The following KIRREL3 variants were observed in gnomAD, a reference collection of about 807,000 sequenced individuals.
The protein encoded by KIRREL3 is kirre like nephrin family adhesion molecule 3.
Under a neutral mutation model 89.7 loss-of-function variants are expected in KIRREL3, and 36 were observed. That is an observed-to-expected ratio of 0.40 (90% confidence interval 0.31 to 0.53). The LOEUF (loss-of-function observed/expected upper bound fraction) is 0.53, where lower values mean the gene tolerates loss of function less well. Ranked by LOEUF, KIRREL3 falls within the 20% of genes least tolerant of loss-of-function variation. KIRREL3 has a pLI of 0.49. For missense variants in KIRREL3, 864 were observed against 1,056.6 expected (o/e 0.82, Z 2.53); for synonymous variants, 445 against 441.4 (o/e 1.01, Z -0.10).
chr11:126,929,957 C>CAA (rs1947874136), intron 1 of KIRREL3, among the ~76,000 whole-genome samples: 3 of 151,180 alleles, frequency 2.0e-5, no homozygotes, highest in East Asian at 3.9e-4. Flanking sequence ...CACCCCCCCC[C>CAA]CCCCACCTCA....
chr11:126,855,752 A>G (rs1346082193), intron 1 of KIRREL3, among the ~76,000 whole-genome samples: 1 of 152,158 alleles, frequency 6.6e-6, no homozygotes, highest in Admixed American at 6.5e-5. Context: ...AGTTTGGGTG[A>G]GGTCTAATGC....
rs1951182797 is a variant in KIRREL3 at position 126,805,695 on chromosome 11, C to A, written c.55+194760G>T. 6.6e-6 allele frequency among the ~76,000 whole-genome samples: 1 copy of A among 151,982 alleles called. No homozygotes were observed. Among genetic ancestry groups the A allele is most frequent in the South Asian group, 2.1e-4 (1 of 4,814 alleles). On this transcript the variant is annotated intron_variant, in intron 1 of 16. Transcript: ENST00000525144. This position sits in a 1 kb window ranked among gnomAD's most constrained non-coding sequence, Gnocchi z 4.3. ...ATAGATATTACGTTTTTATTTACTA[C>A]TATGTATGTAAATGAAAGAAAGAAA...
At chr11:126,874,053 G>A (rs1278612468) in intron 1 of KIRREL3, among the ~76,000 whole-genome samples, 3 of 152,142 alleles carry the variant, frequency 2.0e-5, no homozygotes, top group African/African-American at 7.2e-5. Context: ...CAGATCTGAT[G>A]TACTAAGGTG....
Position 126,740,547 on chromosome 11 carries a change from G to T in KIRREL3, c.56-177635C>A, listed in dbSNP as rs1198157069. Among the ~76,000 whole-genome samples, 1 of 152,048 alleles carries T rather than the reference G, an allele frequency of 6.6e-6. No individual in the cohort carries two copies. The highest frequency in any genetic ancestry group is 1.5e-5 in the Non-Finnish European group (1 of 68,020). ...CAGGAGACATGTTCCTTATATTTGT[G>T]ATGTATTCCTATGGGCAAAGTATCG... is the stretch of plus-strand genomic sequence containing the variant. On this transcript the variant is annotated intron_variant, in intron 1 of 16. Coordinates refer to ENST00000525144, the MANE Select transcript of KIRREL3 (RefSeq NM_032531.4). This position sits in a 1 kb window ranked among gnomAD's most constrained non-coding sequence, Gnocchi z 6.0.
Position 126,432,489 on chromosome 11 carries a change from C to T in KIRREL3, c.1589-963G>A, listed in dbSNP as rs560256535. On this transcript the variant is annotated intron_variant, in intron 13 of 16. Transcript: ENST00000525144. This position sits in a 1 kb window ranked among gnomAD's most constrained non-coding sequence, Gnocchi z 6.2. The stretch of plus-strand genomic sequence containing the variant: ...AGAGCTTGGGGCTCTCACTGAGGTC[C>T]GGAGAAGTCAAGTGATTTGGCCAAG... Among the ~76,000 whole-genome samples the T allele has an allele frequency of 1.4e-4, 21 of 152,172 alleles. No homozygotes were observed. Among genetic ancestry groups the T allele is most frequent in the Admixed American group, 3.3e-4 (5 of 15,274 alleles).
intron 1 of KIRREL3, among the ~76,000 whole-genome samples, chr11:126,756,252 C>G (rs1246343443): frequency 6.6e-6 from 1 of 152,222 alleles, no homozygotes; most frequent in Non-Finnish European, 1.5e-5. Context: ...GACTCCACCC[C>G]CAACACTGCC....
Position 126,645,591 on chromosome 11 carries a change from A to G in KIRREL3, c.56-82679T>C, listed in dbSNP as rs986221531. 1.3e-5 allele frequency among the ~76,000 whole-genome samples: 2 copies of G among 152,202 alleles called. No individual in the cohort carries two copies. Among genetic ancestry groups the G allele is most frequent in the African/African-American group, 4.8e-5 (2 of 41,438 alleles). ...GTTCCACCAGAGGCCTTCCACATCT[A>G]AATGGAAGCATCATGGCACGAGGTG... is the stretch of plus-strand genomic sequence containing the variant. On this transcript the variant is annotated intron_variant, in intron 1 of 16. Transcript: ENST00000525144. The surrounding 1 kb of genome is among the most constrained non-coding windows in gnomAD (Gnocchi z 4.9).
At chr11:126,923,386 CTTCCTCTTCT>C (rs1282768372) in intron 1 of KIRREL3, among the ~76,000 whole-genome samples, 14 of 328 alleles carry the variant, frequency 0.043, no homozygotes, top group Admixed American at 0.1. Context: ...CCTTCTTCTT[CTTCCTCTTCT>C]TTCTTCTTCT....
Position 126,928,560 on chromosome 11 carries a change from A to T in KIRREL3, c.55+71895T>A, listed in dbSNP as rs190404110. Among the ~76,000 whole-genome samples the T allele has an allele frequency of 1.8e-3, 276 of 152,240 alleles. 1 individual carries two copies. Among genetic ancestry groups the T allele is most frequent in the African/African-American group, 6.4e-3 (264 of 41,536 alleles). ...CATGAGCTGGAGGCTGAAGCCTGGG[A>T]CCCCGACGTGGTGGCGAAAATCAGG... On this transcript the variant is annotated intron_variant, in intron 1 of 16. Coordinates refer to ENST00000525144, the MANE Select transcript of KIRREL3 (RefSeq NM_032531.4).
chr11:126,602,097 C>G (rs923055270), intron 1 of KIRREL3, among the ~76,000 whole-genome samples: 3 of 152,214 alleles, frequency 2.0e-5, no homozygotes, highest in African/African-American at 7.2e-5. Flanking sequence ...TAGCCCCCTC[C>G]TTTCTCGCAA....
rs1298144682 is a variant in KIRREL3 at position 126,891,158 on chromosome 11, A to G, written c.55+109297T>C. Among the ~76,000 whole-genome samples the G allele has an allele frequency of 3.3e-5, 5 of 152,210 alleles. No individual in the cohort carries two copies. The highest frequency in any genetic ancestry group is 7.2e-5 in the African/African-American group (3 of 41,446). On this transcript the variant is annotated intron_variant, in intron 1 of 16. Coordinates refer to ENST00000525144, the MANE Select transcript of KIRREL3 (RefSeq NM_032531.4). The surrounding 1 kb of genome is among the most constrained non-coding windows in gnomAD (Gnocchi z 5.1). ...AATGGCACATGGGTTTGAAGTGTAC[A>G]TAAGCCACAGTGGAAACATCTGAGA...
At chr11:126,800,497 T>C (rs1950997363) in intron 1 of KIRREL3, among the ~76,000 whole-genome samples, 2 of 152,188 alleles carry the variant, frequency 1.3e-5, no homozygotes, top group Admixed American at 1.3e-4. Context: ...CAGGGAAGGA[T>C]TTCTCCCTTA....
chr11:126,616,070 C>T (rs887374852), intron 1 of KIRREL3, among the ~76,000 whole-genome samples: 6 of 152,134 alleles, frequency 3.9e-5, no homozygotes, highest in African/African-American at 1.2e-4. Context: ...ACTACGCGGC[C>T]GAGCATACGT....
At chr11:126,591,493 C>T (rs937517715) in intron 1 of KIRREL3, among the ~76,000 whole-genome samples, 1 of 152,180 alleles carries the variant, frequency 6.6e-6, no homozygotes, top group Admixed American at 6.5e-5. Context: ...GAGGAAATGG[C>T]AGCTCAGAGG....
rs1393749769 is a variant in KIRREL3, at chr11:126,905,072, G to T, written c.55+95383C>A. The stretch of plus-strand genomic sequence containing the variant: ...GGGTCATTCCCTGGTTTGGCAAAAA[G>T]GGCGACATGATGGTTGGTGTCTATG... On this transcript the variant is annotated intron_variant, in intron 1 of 16. Coordinates refer to ENST00000525144, the MANE Select transcript of KIRREL3 (RefSeq NM_032531.4). The surrounding 1 kb of genome is among the most constrained non-coding windows in gnomAD (Gnocchi z 5.0). Among the ~76,000 whole-genome samples the T allele has an allele frequency of 6.6e-6, 1 of 152,138 alleles. No individual in the cohort carries two copies. The highest frequency in any genetic ancestry group is 1.5e-5 in the Non-Finnish European group (1 of 68,020).
At chr11:126,721,979 C>T (rs1425845401) in intron 1 of KIRREL3, among the ~76,000 whole-genome samples, 1 of 152,194 alleles carries the variant, frequency 6.6e-6, no homozygotes, top group Non-Finnish European at 1.5e-5. Context: ...CGAAGGGTTC[C>T]CATGGAAGTC....
Position 126,884,660 on chromosome 11 carries a change from G to A in KIRREL3, c.55+115795C>T, listed in dbSNP as rs147417396. Among the ~76,000 whole-genome samples, 8 of 152,248 alleles carry A rather than the reference G, an allele frequency of 5.3e-5. No individual in the cohort carries two copies. In the South Asian group the frequency reaches 6.2e-4, roughly 12 times the overall value. On this transcript the variant is annotated intron_variant, in intron 1 of 16. Transcript: ENST00000525144. ...GCAAATGCATAAGCAAGCAAGGATCGTGACCCAGGAAACTAATTAATCGAT... is the reference window on the plus strand; with the variant it reads ...GCAAATGCATAAGCAAGCAAGGATCATGACCCAGGAAACTAATTAATCGAT...
At chr11:126,861,398 G>A (rs1447330704) in intron 1 of KIRREL3, among the ~76,000 whole-genome samples, 1 of 152,042 alleles carries the variant, frequency 6.6e-6, no homozygotes, top group African/African-American at 2.4e-5. Context: ...TACTCTCTTA[G>A]AAGTGATACG....
chr11:126,875,515 T>C (rs1044874764), intron 1 of KIRREL3, among the ~76,000 whole-genome samples: 1 of 152,238 alleles, frequency 6.6e-6, no homozygotes, highest in African/African-American at 2.4e-5. Context: ...GTCGTGGCAA[T>C]AATTTTAATG....
Sources: gnomAD v4.1 joint callset for allele counts (sites outside exome capture counted in the v4.1 genomes callset) on GRCh38, gnomAD v4.1.1 for gene constraint, Gnocchi (gnomAD v3.1) non-coding constraint, MANE v1.5 for transcripts, NCBI Gene and HGNC (gene_info 2026-07-23, HGNC 2026-07-21) for gene names.